The following MTMR14 variants were observed in gnomAD, a reference collection of about 807,000 sequenced individuals.
MTMR14 encodes the protein phosphatidylinositol-3,5-bisphosphate 3-phosphatase MTMR14.
In MTMR14, 48 loss-of-function variants were observed where a neutral mutation model predicts 86.3. That is an observed-to-expected ratio of 0.56 (90% CI 0.44 to 0.71). The LOEUF is 0.71. Ranked by LOEUF, MTMR14 falls within the 30% of genes least tolerant of loss-of-function variation. The probability of loss-of-function intolerance (pLI) is 0.00; values close to 1 mark genes in which losing one functional copy is unlikely to be tolerated. For missense variants in MTMR14, 780 were observed against 834.6 expected, an observed-to-expected ratio of 0.93 and a Z score of 0.81; for synonymous variants, 366 against 326.1, an observed-to-expected ratio of 1.12 and a Z score of -1.32.
intron 3 of MTMR14, among the ~76,000 whole-genome samples, chr3:9,663,470 A>G (rs1219434083): frequency 1.5e-5 from 2 of 135,982 alleles, no homozygotes; most frequent in Non-Finnish European, 3.2e-5. Flanking sequence ...AAGTTATTGC[A>G]ACTTTTTTTT....
At chr3:9,654,441 T>G (rs1375938109) in intron 2 of MTMR14, among the ~76,000 whole-genome samples, 1 of 152,190 alleles carries the variant, frequency 6.6e-6, no homozygotes, top group Non-Finnish European at 1.5e-5. Context: ...CTTATGTGGG[T>G]TAACAGTTTA....
intron 2 of MTMR14, among the ~76,000 whole-genome samples, chr3:9,660,378 C>T (rs1173322247): frequency 1.3e-5 from 2 of 152,106 alleles, no homozygotes; most frequent in Admixed American, 1.3e-4. Flanking sequence ...CCTGCCTCAG[C>T]CTCCTGAGTA....
At chr3:9,661,356 C>T (rs956178130) in intron 2 of MTMR14, among the ~76,000 whole-genome samples, 8 of 152,196 alleles carry the variant, frequency 5.3e-5, no homozygotes, top group Admixed American at 4.6e-4. Context: ...CAGTCCCTCA[C>T]ATGCGGAGTT....
At chr3:9,699,923 A>G (rs1037001816) in intron 18 of MTMR14, 1 of 152,274 alleles carries the variant, frequency 6.6e-6, no homozygotes, top group Non-Finnish European at 1.5e-5. Context: ...ATCTCAGGCC[A>G]TGCTTCTTCC....
chr3:9,657,875 G>A (rs1193593366), intron 2 of MTMR14, among the ~76,000 whole-genome samples: 1 of 152,158 alleles, frequency 6.6e-6, no homozygotes, highest in African/African-American at 2.4e-5. Context: ...AGATGAAGTT[G>A]AAGCCCAGAG....
At chr3:9,676,527 G>A (rs1468170133) in intron 7 of MTMR14, among the ~76,000 whole-genome samples, 1 of 152,254 alleles carries the variant, frequency 6.6e-6, no homozygotes, top group African/African-American at 2.4e-5. Flanking sequence ...TTGGACCAGT[G>A]CAGTGCTAGG....
chr3:9,673,226 A>G (rs1002371701), intron 7 of MTMR14, among the ~76,000 whole-genome samples: 2 of 152,202 alleles, frequency 1.3e-5, no homozygotes, highest in African/African-American at 4.8e-5. Context: ...ATTTATGGAA[A>G]TTGCCCCAGG....
At chr3:9,674,840 A>G (rs1193963774) in intron 7 of MTMR14, among the ~76,000 whole-genome samples, 1 of 151,876 alleles carries the variant, frequency 6.6e-6, no homozygotes, top group Non-Finnish European at 1.5e-5. Flanking sequence ...AGCCGAGTGC[A>G]GTGGCTCACG....
intron 7 of MTMR14, among the ~76,000 whole-genome samples, chr3:9,676,544 A>G (rs968471616): frequency 1.3e-5 from 2 of 152,226 alleles, no homozygotes; most frequent in African/African-American, 4.8e-5. Flanking sequence ...TAGGTGTTTT[A>G]TATGTATTAT....
intron 3 of MTMR14, among the ~76,000 whole-genome samples, chr3:9,668,480 G>T (rs1007120413): frequency 6.6e-6 from 1 of 152,178 alleles, no homozygotes; most frequent in Admixed American, 6.5e-5. Flanking sequence ...AATCTGATCC[G>T]ATCCTGTTGG....
At chr3:9,687,920 G>A (rs1407896564) in intron 14 of MTMR14, 29 bp downstream of exon 14, 4 of 1,561,036 alleles carry the variant, frequency 2.6e-6, no homozygotes, top group Non-Finnish European at 2.6e-6. Flanking sequence ...GTGTCATGCT[G>A]GGCCAGGGCG....
At chr3:9,684,866 C>T (rs781120741) in intron 11 of MTMR14, 22 bp from the exon 12 acceptor site, 1 of 1,612,914 alleles carries the variant, frequency 6.2e-7, no homozygotes. Flanking sequence ...GGCTCTGTCA[C>T]ATCTCCTGTG....
intron 13 of MTMR14, among the ~76,000 whole-genome samples, chr3:9,686,939 T>C (rs983857001): frequency 1.3e-5 from 2 of 152,228 alleles, no homozygotes; most frequent in Non-Finnish European, 2.9e-5. Context: ...AGGAGCCTCC[T>C]GCCTGTGCCC....
Position 9,649,527 on chromosome 3 carries a change from T to C in MTMR14, c.-57T>C. 1 of 1,502,336 alleles carries C rather than the reference T, an allele frequency of 6.7e-7. No homozygotes were observed. The highest frequency in any genetic ancestry group is 8.9e-7 in the Non-Finnish European group (1 of 1,128,558). 93.1% of individuals were successfully genotyped at this position (1,502,336 alleles called of 1,614,324 possible). On this transcript the variant is annotated 5_prime_UTR_variant, in exon 1 of 19. Transcript: ENST00000296003. The stretch of plus-strand genomic sequence containing the variant: ...CGGAGGTTCTAGTGTCGGAGTTGGG[T>C]GCAGGCAGGTGCCATGGGCCCGCTT...
At chr3:9,685,189 C>A in intron 12 of MTMR14, 22 bp from the exon 13 acceptor site, 2 of 1,614,172 alleles carry the variant, frequency 1.2e-6, no homozygotes, top group Non-Finnish European at 1.7e-6. Flanking sequence ...CTGACTTTGC[C>A]TCTCTACCCT....
intron 3 of MTMR14, among the ~76,000 whole-genome samples, chr3:9,664,883 A>T (rs2048160104): frequency 6.6e-6 from 1 of 152,216 alleles, no homozygotes. Context: ...TTTATTGTAC[A>T]TTTAAAAATA....
In MTMR14 at chr3:9,653,753, GAGA is replaced by G; in HGVS notation, c.295_297del (p.Lys99del). 3 of 1,614,202 alleles carry G rather than the reference GAGA, an allele frequency of 1.9e-6. No homozygotes were observed. The highest frequency in any genetic ancestry group is 2.5e-6 in the Non-Finnish European group (3 of 1,180,052). Reference sequence around the variant, plus strand: ...CGTGTTCCTGGAGTATGAGAGTTCTGAGAAGGAGAAAGACACGTGAGCATCATG... The same window carrying G: ...CGTGTTCCTGGAGTATGAGAGTTCTGAGGAGAAAGACACGTGAGCATCATG... On this transcript the variant is annotated inframe_deletion, in exon 2 of 19. Transcript: ENST00000296003.
chr3:9,678,954 C>T (rs2075670164), intron 9 of MTMR14, among the ~76,000 whole-genome samples: 1 of 152,222 alleles, frequency 6.6e-6, no homozygotes, highest in South Asian at 2.1e-4. Flanking sequence ...AGAAAACATT[C>T]TGCCTCCCTG....
chr3:9,679,872 C>T (rs1430848739), intron 9 of MTMR14, among the ~76,000 whole-genome samples: 1 of 152,204 alleles, frequency 6.6e-6, no homozygotes, highest in Non-Finnish European at 1.5e-5. Context: ...GTGTAGCAGG[C>T]AGGCAGGCGC....
Sources: allele counts gnomAD v4.1 joint callset (sites outside exome capture counted in the v4.1 genomes callset), GRCh38; gene constraint gnomAD v4.1.1; transcripts MANE v1.5; gene names NCBI Gene and HGNC (gene_info 2026-07-23, HGNC 2026-07-21).